TNRC6A: variants seen among roughly 807,000 people sequenced by gnomAD.
TNRC6A encodes trinucleotide repeat containing adaptor 6A, also known as trinucleotide repeat-containing gene 6A protein.
A neutral mutation model predicts 221.2 loss-of-function variants in TNRC6A; 44 were observed. The ratio of observed to expected loss-of-function variants is 0.20; its 90% confidence interval spans 0.16 to 0.26. TNRC6A has a LOEUF of 0.26. TNRC6A is among the 10% of genes least tolerant of loss of function. The probability of loss-of-function intolerance (pLI) is 1.00; values close to 1 mark genes in which losing one functional copy is unlikely to be tolerated. For synonymous variants in TNRC6A, 847 were observed against 838.5 expected, an observed-to-expected ratio of 1.01 and a Z score of -0.18; for missense variants, 2,199 against 2,404.4, an observed-to-expected ratio of 0.91 and a Z score of 1.79.
chr16:24,734,740 T>G (rs888705198), intron 2 of TNRC6A, among the ~76,000 whole-genome samples: 2 of 152,242 alleles, frequency 1.3e-5, no homozygotes, highest in Non-Finnish European at 2.9e-5. Flanking sequence ...TTTTTTATTC[T>G]AAAAGAGTAA....
At chr16:24,614,233 G>C (rs777433691) in intron 1 of TNRC6A, among the ~76,000 whole-genome samples, 4 of 152,222 alleles carry the variant, frequency 2.6e-5, no homozygotes, top group Non-Finnish European at 5.9e-5. Context: ...GGAAGCCCCA[G>C]TACACAAGCA....
intron 2 of TNRC6A, among the ~76,000 whole-genome samples, chr16:24,681,647 T>A (rs542019550): frequency 6.6e-5 from 10 of 152,234 alleles, no homozygotes; most frequent in Non-Finnish European, 1.2e-4. Context: ...GTGTTGTAAT[T>A]AGTCCAACTG....
chr16:24,720,999 G>A (rs2056401689), intron 2 of TNRC6A, among the ~76,000 whole-genome samples: 1 of 152,152 alleles, frequency 6.6e-6, no homozygotes. Context: ...AGCTTGCAGT[G>A]AGCCGAGATC....
intron 11 of TNRC6A, among the ~76,000 whole-genome samples, chr16:24,799,653 A>G (rs887153982): frequency 6.6e-6 from 1 of 152,240 alleles, no homozygotes; most frequent in African/African-American, 2.4e-5. Flanking sequence ...TATGAGAAAC[A>G]ATAGAAAATA....
At chr16:24,702,822 T>G (rs2056013767) in intron 2 of TNRC6A, among the ~76,000 whole-genome samples, 2 of 151,680 alleles carry the variant, frequency 1.3e-5, no homozygotes, top group Non-Finnish European at 2.9e-5. Flanking sequence ...GATCATGAGG[T>G]CAGGAGATCG....
chr16:24,762,406 C>T (rs1469694626), intron 4 of TNRC6A, among the ~76,000 whole-genome samples: 1 of 152,198 alleles, frequency 6.6e-6, no homozygotes, highest in East Asian at 1.9e-4. Flanking sequence ...GTGCCAGGCA[C>T]TGTGCTTTAT....
Position 24,825,347 on chromosome 16 carries a change from G to A in TNRC6A, c.*1540G>A, listed in dbSNP as rs1361631637. ...GTGTCCTAAGATGCAAAAGAAGTCA[G>A]TGGCTTTTAACTGTTTACAAATAGA... is the stretch of plus-strand genomic sequence containing the variant. On this transcript the variant is annotated 3_prime_UTR_variant, in exon 25 of 25. Transcript: ENST00000395799. 1 of 152,626 alleles carries A rather than the reference G, an allele frequency of 6.6e-6. No individual in the cohort carries two copies. The allele number at this position is 152,626 out of a possible 1,614,324, so 9.5% of individuals were successfully genotyped here.
Position 24,823,687 on chromosome 16 carries a change from T to C in TNRC6A, c.5769T>C (p.His1923=), listed in dbSNP as rs141225765. 1.9e-6 allele frequency: 3 copies of C among 1,608,630 alleles called. No individual in the cohort carries two copies. Among genetic ancestry groups the C allele is most frequent in the East Asian group, 2.2e-5 (1 of 44,690 alleles). The part of the protein sequence containing the change: ...LHGTSLWGTP[H]YSTSLWGPPS... ...GCACTTCACTCTGGGGGACCCCGCA[T>C]TATTCCACAAGCCTGTGGGGTCCCC... Residue 1923 remains histidine (H), a synonymous_variant, in exon 25 of 25, where the codon CAT becomes CAC. Transcript: ENST00000395799. The surrounding 1 kb of genome is among the most constrained non-coding windows in gnomAD (Gnocchi z 4.3).
chr16:24,638,156 C>T (rs1901737873), intron 1 of TNRC6A, among the ~76,000 whole-genome samples: 1 of 152,168 alleles, frequency 6.6e-6, no homozygotes, highest in African/African-American at 2.4e-5. Context: ...AGTGGCTCGC[C>T]ACTATAATCC....
intron 18 of TNRC6A, among the ~76,000 whole-genome samples, chr16:24,813,311 C>G (rs979123644): frequency 6.6e-6 from 1 of 152,088 alleles, no homozygotes; most frequent in Non-Finnish European, 1.5e-5. Flanking sequence ...AACATTTTAC[C>G]CGATAAGTAG....
rs1045459530 is a variant in TNRC6A at position 24,824,378 on chromosome 16, A to C, written c.*571A>C. On this transcript the variant is annotated 3_prime_UTR_variant, in exon 25 of 25. Coordinates refer to ENST00000395799, the MANE Select transcript of TNRC6A (RefSeq NM_014494.4). ...CAAGTTAGGATGCTGACTTAGGATTATTAATGAAAGTGTTGCACCAGTTTT... is the reference window on the plus strand; with the variant it reads ...CAAGTTAGGATGCTGACTTAGGATTCTTAATGAAAGTGTTGCACCAGTTTT... 1.3e-5 allele frequency: 2 copies of C among 152,570 alleles called. No homozygotes were observed. Among genetic ancestry groups the C allele is most frequent in the Non-Finnish European group, 2.9e-5 (2 of 68,032 alleles). The allele number at this position is 152,570 out of a possible 1,614,324, so 9.5% of individuals were successfully genotyped here.
At chr16:24,669,605 G>A (rs2055247464) in intron 2 of TNRC6A, among the ~76,000 whole-genome samples, 1 of 152,076 alleles carries the variant, frequency 6.6e-6, no homozygotes, top group African/African-American at 2.4e-5. Context: ...GGCAGTGACT[G>A]TGTCTTCTCA....
At chr16:24,765,906 A>G (rs1474010041) in intron 4 of TNRC6A, among the ~76,000 whole-genome samples, 1 of 152,214 alleles carries the variant, frequency 6.6e-6, no homozygotes, top group Non-Finnish European at 1.5e-5. Context: ...AAGAATGCTA[A>G]GGAGACCCGT....
chr16:24,817,615 TC>T (rs2058681413), intron 20 of TNRC6A, among the ~76,000 whole-genome samples: 2 of 152,316 alleles, frequency 1.3e-5, no homozygotes, highest in African/African-American at 4.8e-5. Flanking sequence ...ATGTGTTTCA[TC>T]CATGATTTTG....
intron 4 of TNRC6A, among the ~76,000 whole-genome samples, chr16:24,771,582 T>TTTTATGTTA: frequency 4.2e-5 from 4 of 95,480 alleles, no homozygotes; most frequent in Non-Finnish European, 8.2e-5. Flanking sequence ...TTATGTTATG[T>TTTTATGTTA]TGTTATGTTA....
chr16:24,740,973 A>G (rs555677168), intron 2 of TNRC6A, among the ~76,000 whole-genome samples: 45 of 152,316 alleles, frequency 3.0e-4, no homozygotes, highest in African/African-American at 9.6e-4. Context: ...GTGTCAGCCA[A>G]TTGATTTTTG....
chr16:24,806,189 C>CGCT lies in TNRC6A; in HGVS notation c.4252-16_4252-14dup. The CGCT allele has an allele frequency of 3.1e-6, 5 of 1,613,272 alleles. No homozygotes were observed. The South Asian group carries it at 5.5e-5, about 18-fold the overall frequency. ...AATGGTGTGATAGTAACAACCTTTT[C>CGCT]GCTATCTTTCCTCTAGCGATTGTTA... On this transcript the variant is annotated splice_polypyrimidine_tract_variant and intron_variant, in intron 15 of 24. Coordinates refer to ENST00000395799, the MANE Select transcript of TNRC6A (RefSeq NM_014494.4).
At chr16:24,753,961 A>G (rs1299194603) in intron 3 of TNRC6A, among the ~76,000 whole-genome samples, 1 of 152,216 alleles carries the variant, frequency 6.6e-6, no homozygotes, top group African/African-American at 2.4e-5. Context: ...TGCTTTGCCA[A>G]AACCCTGTGC....
In TNRC6A at chr16:24,791,291, C is replaced by T. The variant is rs771485605; in HGVS notation, c.2649C>T (p.Ser883=). ...SSSGGSDSDR[S]VSGWNELGKT... The stretch of plus-strand genomic sequence containing the variant: ...CAGGAGGTAGTGACAGTGACAGGTC[C>T]GTTTCCGGTTGGAACGAACTTGGTA... The change falls in exon 6 of 25, where the codon TCC becomes TCT. Residue 883 remains serine (S), a synonymous_variant. Transcript: ENST00000395799. 11 of 1,612,638 alleles carry T rather than the reference C, an allele frequency of 6.8e-6. No homozygotes were observed. Among genetic ancestry groups the T allele is most frequent in the Admixed American group, 5.0e-5 (3 of 59,816 alleles).
Sources: allele counts gnomAD v4.1 joint callset (sites outside exome capture counted in the v4.1 genomes callset), GRCh38; gene constraint gnomAD v4.1.1; non-coding constraint Gnocchi (gnomAD v3.1); transcripts MANE v1.5; gene names NCBI Gene and HGNC (gene_info 2026-07-23, HGNC 2026-07-21).